The following ZFHX3 variants were observed in gnomAD, a reference collection of about 807,000 sequenced individuals.
ZFHX3 encodes zinc finger homeobox 3.
In ZFHX3, 42 loss-of-function variants were observed where a neutral mutation model predicts 279.1. The ratio of observed to expected loss-of-function variants is 0.15; its 90% CI spans 0.12 to 0.19. The LOEUF (loss-of-function observed/expected upper bound fraction) is 0.19, where lower values mean the gene tolerates loss of function less well. Ranked by LOEUF, ZFHX3 falls within the 10% of genes least tolerant of loss-of-function variation. The pLI is 1.00. For missense variants in ZFHX3, 4,981 were observed against 4,754.0 expected (o/e 1.05, Z -1.40); for synonymous variants, 2,293 against 1,957.8 (o/e 1.17, Z -4.52).
At chr16:73,709,082 A>G (rs986612747) in intron 1 of ZFHX3, among the ~76,000 whole-genome samples, 2 of 152,138 alleles carry the variant, frequency 1.3e-5, no homozygotes, top group African/African-American at 2.4e-5. Flanking sequence ...TTGGGTTAAT[A>G]CACACTCCCA....
chr16:72,787,441 G>T lies in ZFHX3; in HGVS notation c.10835C>A (p.Ala3612Asp), dbSNP rs1567505078. ...CACTTGCGGCCAAGACTTCCTGGAGGCGTGGGGGGAAGCGGAGGAGGGGGC... is the reference window on the plus strand; with the variant it reads ...CACTTGCGGCCAAGACTTCCTGGAGTCGTGGGGGGAAGCGGAGGAGGGGGC... ...AAAPSSASPH[A>D]SRKSWPQVVS... The change falls in exon 10 of 10, where the codon GCC (alanine) becomes GAC (aspartate). Residue 3612 changes from alanine (A) to aspartate (D), a missense_variant. Around this residue, in one of 7 missense-constraint regions of ZFHX3, gnomAD observed 1,034 missense variants for 786.0 expected, o/e 1.32. Transcript: ENST00000268489. The T allele has an allele frequency of 6.2e-7, 1 of 1,605,622 alleles. No homozygotes were observed. The highest frequency in any genetic ancestry group is 2.2e-5 in the East Asian group (1 of 44,654).
At chr16:73,835,528 T>C (rs907331746) in intron 1 of ZFHX3, among the ~76,000 whole-genome samples, 23 of 133,096 alleles carry the variant, frequency 1.7e-4, no homozygotes, top group Non-Finnish European at 3.3e-4. Context: ...TGGAGTGCAA[T>C]GTTGCAATCT....
At chr16:73,089,099 TTTAA>T (rs1255464565) in intron 8 of ZFHX3, among the ~76,000 whole-genome samples, 17 of 152,082 alleles carry the variant, frequency 1.1e-4, no homozygotes, top group African/African-American at 3.9e-4. Flanking sequence ...AAATTTTAAT[TTTAA>T]TTAATTAATT....
chr16:72,794,262 A>G lies in ZFHX3; in HGVS notation c.8420T>C (p.Val2807Ala), dbSNP rs749758320. The G allele has an allele frequency of 5.0e-6, 8 of 1,613,890 alleles. No individual in the cohort carries two copies. Among genetic ancestry groups the G allele is most frequent in the Non-Finnish European group, 6.8e-6 (8 of 1,179,994 alleles). The change falls in exon 9 of 10, where the codon GTG (valine) becomes GCG (alanine). Residue 2807 changes from valine to alanine, a missense_variant. Around this residue, in one of 7 missense-constraint regions of ZFHX3, gnomAD observed 744 missense variants for 701.3 expected, o/e 1.06. Transcript: ENST00000268489. This position sits in a 1 kb window ranked among gnomAD's most constrained non-coding sequence, Gnocchi z 4.2. ...GCTTTCAAAGTCTTCAATCCCTTCC[A>G]CCTTAATGGAGGAAGGGCTTAGAAG... The part of the protein sequence containing the change: ...RTLLSPSSIK[V>A]EGIEDFESPS...
At chr16:72,789,023 TGTATTCTAATGAGGACTCA>T (rs1197314529) in intron 9 of ZFHX3, 175 bp from the exon 10 acceptor site, 3 of 828,118 alleles carry the variant, frequency 3.6e-6, no homozygotes, top group Non-Finnish European at 5.3e-6. Flanking sequence ...TGGACAACCT[TGTATTCTAATGAGGACTCA>T]GTCCTAGGTC....
intron 7 of ZFHX3, among the ~76,000 whole-genome samples, chr16:72,808,339 A>AT (rs925766290): frequency 3.2e-4 from 48 of 148,312 alleles, no homozygotes; most frequent in Admixed American, 8.1e-4. Flanking sequence ...CTGGTTGCTC[A>AT]TTTTTTTTTT....
intron 1 of ZFHX3, among the ~76,000 whole-genome samples, chr16:73,057,698 GAGTCCCCTCTGGGC>G: frequency 6.6e-6 from 1 of 151,858 alleles, no homozygotes; most frequent in African/African-American, 2.4e-5. Flanking sequence ...GTCCAGGGCA[GAGTCCCCTCTGGGC>G]GCTCGCGGCG....
chr16:73,234,971 A>G (rs2012895761), intron 5 of ZFHX3, among the ~76,000 whole-genome samples: 1 of 152,256 alleles, frequency 6.6e-6, no homozygotes, highest in African/African-American at 2.4e-5. Flanking sequence ...CTTTTAGAGA[A>G]TCCCATCCTA....
chr16:73,212,497 T>C (rs1308224040), intron 5 of ZFHX3, among the ~76,000 whole-genome samples: 1 of 152,242 alleles, frequency 6.6e-6, no homozygotes, highest in Non-Finnish European at 1.5e-5. Context: ...TCTGCTATCA[T>C]AAACAATCCT....
At chr16:73,286,414 C>A (rs1335948483) in intron 4 of ZFHX3, among the ~76,000 whole-genome samples, 2 of 152,210 alleles carry the variant, frequency 1.3e-5, no homozygotes, top group Non-Finnish European at 1.5e-5. Flanking sequence ...CAAGTACGTT[C>A]TTCAAATACC....
rs772718164 is a variant in ZFHX3, at chr16:72,798,641, G to C, written c.4041C>G (p.Ser1347=). The change falls in exon 9 of 10, where the codon TCC becomes TCG. Residue 1347 remains serine, a synonymous_variant. Transcript: ENST00000268489. ...CTCTCACAGAGCCTGGGTCAGCAGGGGATGGTTTCAAATCTCCGCTTTGCT... is the reference window on the plus strand; with the variant it reads ...CTCTCACAGAGCCTGGGTCAGCAGGCGATGGTTTCAAATCTCCGCTTTGCT... ...STEQSGDLKP[S]PADPGSVRED... is the part of the protein sequence containing the mutation. 3 of 1,613,778 alleles carry C rather than the reference G, an allele frequency of 1.9e-6. No individual in the cohort carries two copies. The highest frequency in any genetic ancestry group is 3.3e-5 in the Admixed American group (2 of 59,960).
chr16:73,820,676 G>C (rs1267550038), intron 1 of ZFHX3, among the ~76,000 whole-genome samples: 2 of 151,970 alleles, frequency 1.3e-5, no homozygotes, highest in African/African-American at 2.4e-5. Flanking sequence ...ATCAATTCCA[G>C]ACTCATGAGA....
At chr16:73,118,217 T>C (rs922047290) in intron 7 of ZFHX3, among the ~76,000 whole-genome samples, 4 of 152,314 alleles carry the variant, frequency 2.6e-5, no homozygotes, top group African/African-American at 7.2e-5. Flanking sequence ...CTTAGTTTTT[T>C]TTGTTGTTGT....
intron 7 of ZFHX3, among the ~76,000 whole-genome samples, chr16:73,104,066 G>A (rs1966263984): frequency 6.6e-6 from 1 of 151,852 alleles, no homozygotes; most frequent in Non-Finnish European, 1.5e-5. Context: ...AAAGTAAATT[G>A]ACATGTTAGG....
chr16:73,053,749 C>G (rs1335399977), intron 1 of ZFHX3, among the ~76,000 whole-genome samples: 1 of 152,200 alleles, frequency 6.6e-6, no homozygotes, highest in Non-Finnish European at 1.5e-5. Flanking sequence ...GCACACTCCC[C>G]CTTCCCCAGG....
intron 2 of ZFHX3, among the ~76,000 whole-genome samples, chr16:73,494,787 C>T (rs1003948824): frequency 2.6e-5 from 4 of 151,562 alleles, no homozygotes; most frequent in Non-Finnish European, 2.9e-5. Context: ...AGGCTGGTCT[C>T]GAACTCCCAA....
intron 1 of ZFHX3, among the ~76,000 whole-genome samples, chr16:73,710,118 C>T (rs949863772): frequency 7.2e-5 from 11 of 151,938 alleles, no homozygotes; most frequent in Non-Finnish European, 1.2e-4. Context: ...GGGAGGTGGA[C>T]GTTGCAGTGA....
At chr16:73,406,520 T>C (rs551115591) in intron 3 of ZFHX3, among the ~76,000 whole-genome samples, 10 of 152,364 alleles carry the variant, frequency 6.6e-5, no homozygotes, top group African/African-American at 2.4e-4. Flanking sequence ...TGGCAGATAC[T>C]GACAGCTTCG....
chr16:73,495,950 C>T (rs376425434), intron 2 of ZFHX3, among the ~76,000 whole-genome samples: 1 of 152,170 alleles, frequency 6.6e-6, no homozygotes, highest in Admixed American at 6.5e-5. Context: ...CTTTTCATCA[C>T]GGTCGTGCTG....
Sources: gnomAD v4.1 joint callset for allele counts (sites outside exome capture counted in the v4.1 genomes callset) on GRCh38, gnomAD v4.1.1 for gene constraint, gnomAD v4.1.1 regional missense constraint, Gnocchi (gnomAD v3.1) non-coding constraint, MANE v1.5 for transcripts, NCBI Gene and HGNC (gene_info 2026-07-23, HGNC 2026-07-21) for gene names.